Variants in CEACAM8 observed in about 807,000 individuals in gnomAD.
CEACAM8 encodes cell adhesion molecule CEACAM8.
CEACAM8 carries 31 observed loss-of-function variants against 33.4 expected under a neutral mutation model. The ratio of observed to expected loss-of-function variants is 0.93; its 90% CI spans 0.70 to 1.25. CEACAM8 has a LOEUF of 1.25. CEACAM8 is among the 50% of genes most tolerant of loss of function. CEACAM8 has a pLI of 0.00. For missense variants in CEACAM8, 388 were observed against 434.6 expected, an observed-to-expected ratio of 0.89 and a Z score of 0.95; for synonymous variants, 138 against 164.5, an observed-to-expected ratio of 0.84 and a Z score of 1.23.
Position 42,593,556 on chromosome 19 carries a change from G to A in CEACAM8, c.409C>T (p.Gln137Ter). Residue 137 changes from glutamine (Q) to a stop codon, truncating the protein, a stop_gained, in exon 2 of 6, where the codon CAG (glutamine) becomes TAG (stop). Transcript: ENST00000244336. LOFTEE classifies it high-confidence loss of function. ...AATCACTCACGATGTACGCTGAACT[G>A]GCCAGTTACTTCTTCACTCATAAGA... ...LNLMSEEVTG[Q>*]FSVHPETPKP... The A allele has an allele frequency of 6.4e-7, 1 of 1,573,864 alleles. No homozygotes were observed. Among genetic ancestry groups the A allele is most frequent in the Non-Finnish European group, 8.6e-7 (1 of 1,158,032 alleles).
chr19:42,591,476 G>A (rs1019313797), intron 2 of CEACAM8, among the ~76,000 whole-genome samples: 6 of 152,214 alleles, frequency 3.9e-5, no homozygotes, highest in Non-Finnish European at 5.9e-5. Context: ...GAAGCGATGT[G>A]TGTTATGTTA....
intron 4 of CEACAM8, among the ~76,000 whole-genome samples, chr19:42,584,862 GA>G (rs1263952357): frequency 3.3e-5 from 5 of 152,154 alleles, no homozygotes; most frequent in Admixed American, 6.6e-5. Flanking sequence ...GGATATAAAT[GA>G]AATGGAGAAT....
chr19:42,583,285 G>T lies in CEACAM8; in HGVS notation c.1011C>A (p.Ser337Arg). The T allele has an allele frequency of 6.2e-7, 1 of 1,613,440 alleles. No homozygotes were observed. The highest frequency in any genetic ancestry group is 8.5e-7 in the Non-Finnish European group (1 of 1,179,428). ...CCCTGGCCAGTACTCCAATCATGAT[G>T]CTGACAGTGGCTCTAGCTGAGAGGC... is the stretch of plus-strand genomic sequence containing the variant. ...SPGLSARATV[S>R]IMIGVLARVA... Residue 337 changes from serine (S) to arginine (R), a missense_variant, in exon 5 of 6, where the codon AGC (serine) becomes AGA (arginine). Coordinates refer to ENST00000244336, the MANE Select transcript of CEACAM8 (RefSeq NM_001816.4).
At chr19:42,593,283 TGA>T (rs1217289074) in intron 2 of CEACAM8, among the ~76,000 whole-genome samples, 2 of 152,182 alleles carry the variant, frequency 1.3e-5, no homozygotes, top group Non-Finnish European at 2.9e-5. Context: ...GGTGCCTGGC[TGA>T]GTCTGATCTC....
At chr19:42,594,002 T>C in intron 1 of CEACAM8, 102 bp from the exon 2 acceptor site, 1 of 1,235,088 alleles carries the variant, frequency 8.1e-7, no homozygotes, top group South Asian at 1.5e-5. Context: ...TGTGTGTGTA[T>C]GTGTGTGTGT....
chr19:42,589,364 A>C, intron 3 of CEACAM8, 93 bp downstream of exon 3: 1 of 1,585,398 alleles, frequency 6.3e-7, no homozygotes, highest in South Asian at 1.1e-5. Flanking sequence ...GGGAATCTGC[A>C]TTTTTGGAGC....
chr19:42,594,176 A>G (rs1382298866), intron 1 of CEACAM8, among the ~76,000 whole-genome samples: 2 of 151,920 alleles, frequency 1.3e-5, no homozygotes, highest in South Asian at 2.1e-4. Context: ...TTTCTCTGAC[A>G]CCTCCTCTAG....
chr19:42,589,700 A>G lies in CEACAM8; in HGVS notation c.460T>C (p.Ser154Pro). 6.2e-7 allele frequency: 1 copy of G among 1,614,142 alleles called. No individual in the cohort carries two copies. The highest frequency in any genetic ancestry group is 1.1e-5 in the South Asian group (1 of 91,086). The part of the protein sequence containing the change: ...TPKPSISSNN[S>P]NPVEDKDAVA... ...GCATCCTTGTCCTCCACGGGGTTGG[A>G]GTTGTTGCTGGAGATGGAGGGCTTG... Residue 154 changes from serine to proline, a missense_variant, in exon 3 of 6, where the codon TCC (serine) becomes CCC (proline). Ser to Pro is a moderately conservative substitution (Grantham distance 74, BLOSUM62 -1). Coordinates refer to ENST00000244336, the MANE Select transcript of CEACAM8 (RefSeq NM_001816.4).
intron 2 of CEACAM8, among the ~76,000 whole-genome samples, chr19:42,590,508 A>G (rs1349572127): frequency 1.3e-5 from 2 of 152,174 alleles, no homozygotes; most frequent in African/African-American, 4.8e-5. Context: ...CCATAAATAC[A>G]TGTGGACATT....
At position 42,588,904 on chromosome 19, in the gene CEACAM8, A is replaced by T; in HGVS notation, c.838T>A (p.Tyr280Asn). The change falls in exon 4 of 6, where the codon TAC becomes AAC. Residue 280 changes from tyrosine to asparagine, a missense_variant. Tyr to Asn is a moderately radical substitution (Grantham distance 143). Coordinates refer to ENST00000244336, the MANE Select transcript of CEACAM8 (RefSeq NM_001816.4). ...SWSVNGTFQQ[Y>N]TQKLFIPNIT... ...TTGGGGATAAAGAGCTTTTGTGTGTATTGCTGGAATGTGCCATTGACAGAC... is the reference window on the plus strand; with the variant it reads ...TTGGGGATAAAGAGCTTTTGTGTGTTTTGCTGGAATGTGCCATTGACAGAC... 6.2e-7 allele frequency: 1 copy of T among 1,614,174 alleles called. No individual in the cohort carries two copies.
intron 2 of CEACAM8, among the ~76,000 whole-genome samples, chr19:42,591,377 C>G (rs1450552872): frequency 6.6e-6 from 1 of 152,096 alleles, no homozygotes; most frequent in Non-Finnish European, 1.5e-5. Context: ...GAGGGAGGCA[C>G]GTGAGTCCTG....
At position 42,583,247 on chromosome 19, in the gene CEACAM8, T is replaced by C; in HGVS notation, c.1049A>G (p.Ter350TrpextTer1). ...IGVLARVALI[*>W] ...AATGCAGAAACTACACCAGAGCTAC[T>C]ATATCAGAGCCACCCTGGCCAGTAC... Residue 350 changes from the stop codon to tryptophan, a stop_lost, in exon 5 of 6, where the codon TAG becomes TGG. Coordinates refer to ENST00000244336, the MANE Select transcript of CEACAM8 (RefSeq NM_001816.4). 6.3e-7 allele frequency: 1 copy of C among 1,597,534 alleles called. No homozygotes were observed. Among genetic ancestry groups the C allele is most frequent in the Non-Finnish European group, 8.6e-7 (1 of 1,167,068 alleles).
intron 4 of CEACAM8, among the ~76,000 whole-genome samples, chr19:42,583,621 A>G (rs1338122510): frequency 2.0e-5 from 3 of 152,108 alleles, no homozygotes; most frequent in Non-Finnish European, 4.4e-5. Context: ...GCTGATTGCT[A>G]TTTTATGTGT....
Position 42,593,765 on chromosome 19 carries a change from C to T in CEACAM8, c.200G>A (p.Trp67Ter). Reference sequence around the variant, plus strand: ...GGCATCCACTGTTTCCCCTTTGTACCAGTTGTAGCCACGAGGGTCCTGGGG... The same window carrying T: ...GGCATCCACTGTTTCCCCTTTGTACTAGTTGTAGCCACGAGGGTCCTGGGG... The part of the protein sequence containing the change: ...NLPQDPRGYN[W>*]YKGETVDANR... Residue 67 changes from tryptophan (W) to a stop codon, truncating the protein, a stop_gained, in exon 2 of 6, where the codon TGG (tryptophan) becomes TAG (stop). Transcript: ENST00000244336. LOFTEE classifies it high-confidence loss of function. 3 of 1,613,936 alleles carry T rather than the reference C, an allele frequency of 1.9e-6. No homozygotes were observed. Among genetic ancestry groups the T allele is most frequent in the Non-Finnish European group, 2.5e-6 (3 of 1,179,990 alleles).
At chr19:42,586,239 C>T in intron 4 of CEACAM8, among the ~76,000 whole-genome samples, 1 of 151,976 alleles carries the variant, frequency 6.6e-6, no homozygotes, top group East Asian at 1.9e-4. Context: ...ATAGAAAAAT[C>T]TATCCTAAAG....
At chr19:42,590,456 C>T (rs1361922957) in intron 2 of CEACAM8, among the ~76,000 whole-genome samples, 2 of 152,158 alleles carry the variant, frequency 1.3e-5, no homozygotes, top group African/African-American at 4.8e-5. Context: ...TTTAATGTCC[C>T]TTCTTTCCCT....
intron 5 of CEACAM8, among the ~76,000 whole-genome samples, chr19:42,582,760 T>C (rs1326280586): frequency 6.6e-6 from 1 of 152,160 alleles, no homozygotes; most frequent in African/African-American, 2.4e-5. Context: ...AGAAGAAATG[T>C]GAACTTATCA....
At chr19:42,593,991 A>G in intron 1 of CEACAM8, 91 bp from the exon 2 acceptor site, 1 of 1,248,806 alleles carries the variant, frequency 8.0e-7, no homozygotes, top group Non-Finnish European at 1.1e-6. Flanking sequence ...GTGTGTTTTT[A>G]TGTGTGTGTA....
intron 4 of CEACAM8, among the ~76,000 whole-genome samples, chr19:42,584,530 A>G (rs1008358274): frequency 1.3e-5 from 2 of 152,244 alleles, no homozygotes; most frequent in Non-Finnish European, 2.9e-5. Context: ...GCTTCAAGCT[A>G]ATGATAACAG....
Sources: allele counts gnomAD v4.1 joint callset (sites outside exome capture counted in the v4.1 genomes callset), GRCh38; gene constraint gnomAD v4.1.1; transcripts MANE v1.5; gene names NCBI Gene and HGNC (gene_info 2026-07-23, HGNC 2026-07-21).